PCDHA4: variants seen among roughly 807,000 people sequenced by gnomAD.
PCDHA4 encodes protocadherin alpha 4.
PCDHA4 carries 49 observed loss-of-function variants against 61.4 expected under a neutral mutation model. The ratio of observed to expected loss-of-function variants is 0.80; its 90% confidence interval spans 0.63 to 1.01. The LOEUF is 1.01. Among genes scored for constraint, PCDHA4 ranks in the 50% least tolerant of loss-of-function variants. The pLI is 0.00. For missense variants in PCDHA4, 1,254 were observed against 1,235.8 expected, an observed-to-expected ratio of 1.01 and a Z score of -0.22; for synonymous variants, 590 against 550.3, an observed-to-expected ratio of 1.07 and a Z score of -1.01.
At chr5:140,982,434 T>A in intron 2 of PCDHA4, 41 bp from the exon 3 acceptor site, 1 of 1,613,270 alleles carries the variant, frequency 6.2e-7, no homozygotes, top group Non-Finnish European at 8.5e-7. Flanking sequence ...TGGGAAAGAA[T>A]TTATGATCTA....
chr5:140,808,053 T>G lies in PCDHA4; in HGVS notation c.866T>G (p.Val289Gly), dbSNP rs1764088499. ...YSFSNDISPN[V>G]KSKFHIDPIT... Reference sequence around the variant, plus strand: ...TTCTCAAATGATATTTCGCCAAATGTGAAATCCAAGTTTCACATAGATCCA... The same window carrying G: ...TTCTCAAATGATATTTCGCCAAATGGGAAATCCAAGTTTCACATAGATCCA... The change falls in exon 1 of 4, where the codon GTG (valine) becomes GGG (glycine). Residue 289 changes from valine to glycine, a missense_variant. By Grantham distance (109) the Val-to-Gly change is moderately radical. Transcript: ENST00000530339. The G allele has an allele frequency of 1.2e-6, 2 of 1,614,034 alleles. No homozygotes were observed. Among genetic ancestry groups the G allele is most frequent in the Non-Finnish European group, 1.7e-6 (2 of 1,179,944 alleles).
chr5:140,944,209 A>T (rs1003348568), intron 1 of PCDHA4, among the ~76,000 whole-genome samples: 5 of 152,298 alleles, frequency 3.3e-5, no homozygotes, highest in Non-Finnish European at 5.9e-5. Flanking sequence ...TTGTTTTTAA[A>T]GAGGGTTTTA....
At chr5:140,862,306 C>T (rs184682479) in intron 1 of PCDHA4, 3 of 279,438 alleles carry the variant, frequency 1.1e-5, no homozygotes, top group Admixed American at 9.2e-5. Flanking sequence ...CACTGGGTAC[C>T]GTCATAGCCC....
chr5:140,931,683 A>G (rs1482331530), intron 1 of PCDHA4, among the ~76,000 whole-genome samples: 2 of 151,950 alleles, frequency 1.3e-5, no homozygotes, highest in African/African-American at 4.8e-5. Flanking sequence ...AAATAAATGA[A>G]TTGTGATTCA....
intron 1 of PCDHA4, among the ~76,000 whole-genome samples, chr5:140,940,808 T>C (rs781904662): frequency 3.3e-5 from 5 of 152,232 alleles, no homozygotes; most frequent in Non-Finnish European, 7.3e-5. Context: ...TGCCAGGATA[T>C]CCTGAGATCT....
At chr5:140,830,305 G>T (rs2150184776) in intron 1 of PCDHA4, 2 of 1,613,830 alleles carry the variant, frequency 1.2e-6, no homozygotes, top group Non-Finnish European at 1.7e-6. Flanking sequence ...ACAAGCCCAC[G>T]CTGGTGTGCT....
intron 1 of PCDHA4, among the ~76,000 whole-genome samples, chr5:140,936,094 T>C (rs2090766117): frequency 6.6e-6 from 1 of 152,116 alleles, no homozygotes; most frequent in South Asian, 2.1e-4. Flanking sequence ...GGTTTCACCA[T>C]GTTGGCCAGG....
chr5:140,997,124 C>T (rs933067358), intron 3 of PCDHA4, among the ~76,000 whole-genome samples: 2 of 152,074 alleles, frequency 1.3e-5, no homozygotes, highest in Non-Finnish European at 2.9e-5. Context: ...CCCACATACA[C>T]AATGCCCCCA....
chr5:140,836,225 G>A (rs1774300222), intron 1 of PCDHA4: 1 of 1,613,770 alleles, frequency 6.2e-7, no homozygotes, highest in Non-Finnish European at 8.5e-7. Flanking sequence ...TGCAACCGGT[G>A]GCGGCCGGTG....
At chr5:140,993,032 G>A (rs1356944264) in intron 3 of PCDHA4, among the ~76,000 whole-genome samples, 2 of 152,286 alleles carry the variant, frequency 1.3e-5, no homozygotes, top group South Asian at 2.1e-4. Flanking sequence ...TGTGGGCTCC[G>A]TGTGTCATCA....
chr5:140,903,840 T>C (rs2070655374), intron 1 of PCDHA4, among the ~76,000 whole-genome samples: 1 of 152,196 alleles, frequency 6.6e-6, no homozygotes, highest in African/African-American at 2.4e-5. Flanking sequence ...GGTATTTTCA[T>C]TTATCTTAAC....
intron 1 of PCDHA4, chr5:140,871,305 G>A (rs782666863): frequency 3.7e-6 from 6 of 1,613,874 alleles, no homozygotes; most frequent in African/African-American, 1.3e-5. Context: ...GCGCGCCGGG[G>A]AAGCCCACGC....
Position 140,808,605 on chromosome 5 carries a change from A to G in PCDHA4, c.1418A>G (p.His473Arg), listed in dbSNP as rs1554124653. Residue 473 changes from histidine (H) to arginine (R), a missense_variant, in exon 1 of 4, where the codon CAC becomes CGC. Coordinates refer to ENST00000530339, the MANE Select transcript of PCDHA4 (RefSeq NM_018907.4). ...AAGGAGAACAACCCGCCGGGCTGCC[A>G]CATCTTCACTGTGTCTGCGTGGGAC... ...FVKENNPPGC[H>R]IFTVSAWDAD... 1 of 1,613,752 alleles carries G rather than the reference A, an allele frequency of 6.2e-7. No individual in the cohort carries two copies. The highest frequency in any genetic ancestry group is 2.2e-5 in the East Asian group (1 of 44,894).
chr5:140,853,444 A>G, intron 1 of PCDHA4: 1 of 982,390 alleles, frequency 1.0e-6, no homozygotes, highest in Non-Finnish European at 1.2e-6. Context: ...TATTTTGCCT[A>G]ATAGGTCTCC....
chr5:140,871,473 A>G, intron 1 of PCDHA4: 2 of 1,600,218 alleles, frequency 1.2e-6, no homozygotes, highest in African/African-American at 1.3e-5. Flanking sequence ...GACAGGAGCC[A>G]GGGTCAAATC....
At chr5:140,897,100 A>G (rs10054072) in intron 1 of PCDHA4, among the ~76,000 whole-genome samples, 2,117 of 151,950 alleles carry the variant, frequency 0.014, 42 homozygotes, top group African/African-American at 0.049. Context: ...CTCATTAAAA[A>G]TCTCCACTTT....
chr5:140,923,219 CGTTTGAGCCCAGAA>C (rs6149268), intron 1 of PCDHA4, among the ~76,000 whole-genome samples: 47,935 of 151,966 alleles, frequency 0.32, 7,912 homozygotes, highest in East Asian at 0.52. Context: ...GTGAAAGGAT[CGTTTGAGCCCAGAA>C]GTTTGAGACC....
At chr5:141,007,459 T>A (rs1323177537) in intron 3 of PCDHA4, among the ~76,000 whole-genome samples, 1 of 149,426 alleles carries the variant, frequency 6.7e-6, no homozygotes, top group Non-Finnish European at 1.5e-5. Context: ...TCCCAGCTAC[T>A]CAGGAGGCTG....
chr5:141,008,953 A>G (rs1554261966), intron 3 of PCDHA4, among the ~76,000 whole-genome samples: 1 of 152,240 alleles, frequency 6.6e-6, no homozygotes, highest in African/African-American at 2.4e-5. Context: ...CAAAATAGAC[A>G]TCCTAATACA....
Sources: allele counts gnomAD v4.1 joint callset (sites outside exome capture counted in the v4.1 genomes callset), GRCh38; gene constraint gnomAD v4.1.1; transcripts MANE v1.5; gene names NCBI Gene and HGNC (gene_info 2026-07-23, HGNC 2026-07-21).